MAPK8: variants seen among roughly 807,000 people sequenced by gnomAD.
The protein encoded by MAPK8 is JUN N-terminal kinase.
Under a neutral mutation model 52.9 loss-of-function variants are expected in MAPK8, and 13 were observed. The ratio of observed to expected loss-of-function variants is 0.25; its 90% CI spans 0.16 to 0.39. MAPK8 has a LOEUF of 0.39. Among genes scored for constraint, MAPK8 ranks in the 10% least tolerant of loss-of-function variants. The pLI is 1.00. For synonymous variants in MAPK8, 191 were observed against 169.8 expected (o/e 1.12, Z -0.97); for missense variants, 300 against 519.2 (o/e 0.58, Z 4.10).
intron 5 of MAPK8, among the ~76,000 whole-genome samples, chr10:48,414,178 AT>A (rs1034928909): frequency 3.0e-4 from 45 of 152,016 alleles, no homozygotes; most frequent in African/African-American, 9.6e-4. Context: ...AATATGTGAT[AT>A]TTTGTGCTTG....
chr10:48,374,437 A>T (rs2040524491), intron 1 of MAPK8, among the ~76,000 whole-genome samples: 1 of 152,174 alleles, frequency 6.6e-6, no homozygotes, highest in Non-Finnish European at 1.5e-5. Context: ...ACCCTAAAAA[A>T]TCAATGAATT....
At chr10:48,310,867 T>G (rs1313161491) in intron 1 of MAPK8, among the ~76,000 whole-genome samples, 2 of 152,138 alleles carry the variant, frequency 1.3e-5, no homozygotes, top group East Asian at 3.8e-4. Flanking sequence ...ATACAAGAGA[T>G]ACCTGTGTTT....
chr10:48,421,133 C>G (rs1322951202), intron 6 of MAPK8, among the ~76,000 whole-genome samples: 1 of 152,090 alleles, frequency 6.6e-6, no homozygotes, highest in Non-Finnish European at 1.5e-5. Flanking sequence ...GACATTTTTT[C>G]TGGCAAGGAA....
chr10:48,390,734 C>G (rs1047729979), intron 1 of MAPK8, among the ~76,000 whole-genome samples: 1 of 152,100 alleles, frequency 6.6e-6, no homozygotes, highest in East Asian at 1.9e-4. Flanking sequence ...CTAATATAGC[C>G]GCCCCCCTTT....
intron 3 of MAPK8, among the ~76,000 whole-genome samples, chr10:48,409,011 CCCTTATTA>C (rs1325783838): frequency 6.6e-6 from 1 of 152,172 alleles, no homozygotes; most frequent in Non-Finnish European, 1.5e-5. Context: ...CCTAATCTAA[CCCTTATTA>C]CCTTCCAAAG....
intron 1 of MAPK8, among the ~76,000 whole-genome samples, chr10:48,338,285 A>G (rs924156679): frequency 1.3e-5 from 2 of 152,180 alleles, no homozygotes; most frequent in African/African-American, 2.4e-5. Flanking sequence ...TCCTAGATAC[A>G]AGGATGGTTC....
At chr10:48,431,405 C>T in intron 11 of MAPK8, 135 bp downstream of exon 11, 1 of 638,122 alleles carries the variant, frequency 1.6e-6, no homozygotes, top group Non-Finnish European at 2.7e-6. Flanking sequence ...TAAGGAAATA[C>T]AGTTTTGTTT....
chr10:48,366,512 A>T (rs1214800519), intron 1 of MAPK8, among the ~76,000 whole-genome samples: 1 of 152,204 alleles, frequency 6.6e-6, no homozygotes, highest in African/African-American at 2.4e-5. Flanking sequence ...TGTGGTTATA[A>T]GGGTATACTC....
At chr10:48,344,264 G>A (rs1259568004) in intron 1 of MAPK8, among the ~76,000 whole-genome samples, 1 of 152,150 alleles carries the variant, frequency 6.6e-6, no homozygotes, top group Non-Finnish European at 1.5e-5. Flanking sequence ...TAACAGATTT[G>A]CTTTTTCTAT....
intron 1 of MAPK8, among the ~76,000 whole-genome samples, chr10:48,393,081 T>A (rs2041710881): frequency 6.6e-6 from 1 of 152,166 alleles, no homozygotes; most frequent in Non-Finnish European, 1.5e-5. Context: ...CTCATCTTTC[T>A]CCAGTTGCTC....
At chr10:48,335,205 T>C (rs1206191933) in intron 1 of MAPK8, among the ~76,000 whole-genome samples, 1 of 152,206 alleles carries the variant, frequency 6.6e-6, no homozygotes, top group Non-Finnish European at 1.5e-5. Context: ...CACCAGGTTT[T>C]CCTTTTTTTT....
At chr10:48,362,049 G>A (rs1390532399) in intron 1 of MAPK8, among the ~76,000 whole-genome samples, 1 of 152,126 alleles carries the variant, frequency 6.6e-6, no homozygotes, top group Admixed American at 6.5e-5. Flanking sequence ...CTCAGATGTG[G>A]TTTGCCAGTG....
chr10:48,326,411 T>A (rs779352604), intron 1 of MAPK8, among the ~76,000 whole-genome samples: 1 of 152,180 alleles, frequency 6.6e-6, no homozygotes, highest in African/African-American at 2.4e-5. Flanking sequence ...GCACTTACTT[T>A]CTGGCACTGC....
chr10:48,328,894 T>A (rs528294837), intron 1 of MAPK8, among the ~76,000 whole-genome samples: 18 of 152,354 alleles, frequency 1.2e-4, no homozygotes, highest in Admixed American at 6.5e-4. Flanking sequence ...AGTTCAGAAA[T>A]TGAGGATGCG....
intron 2 of MAPK8, among the ~76,000 whole-genome samples, chr10:48,403,095 A>T (rs1043599615): frequency 1.8e-4 from 28 of 152,140 alleles, no homozygotes; most frequent in African/African-American, 6.5e-4. Context: ...CAAACTTAGG[A>T]TGTTGTTTAT....
At chr10:48,346,662 C>T (rs983208294) in intron 1 of MAPK8, among the ~76,000 whole-genome samples, 3 of 152,172 alleles carry the variant, frequency 2.0e-5, no homozygotes, top group African/African-American at 4.8e-5. Flanking sequence ...GAGGCCTAAC[C>T]GTCTCCCTGT....
At chr10:48,391,969 C>G (rs2041648335) in intron 1 of MAPK8, among the ~76,000 whole-genome samples, 1 of 152,200 alleles carries the variant, frequency 6.6e-6, no homozygotes, top group African/African-American at 2.4e-5. Context: ...CCAGGGCACG[C>G]CATCTTCCAG....
chr10:48,353,866 G>A (rs982209084), intron 1 of MAPK8, among the ~76,000 whole-genome samples: 1 of 152,174 alleles, frequency 6.6e-6, no homozygotes, highest in Non-Finnish European at 1.5e-5. Flanking sequence ...CCAGGGATTA[G>A]GGATGGGGTT....
chr10:48,369,026 AGAGGG>A (rs1404198507), intron 1 of MAPK8, among the ~76,000 whole-genome samples: 3 of 152,164 alleles, frequency 2.0e-5, no homozygotes, highest in African/African-American at 7.2e-5. Flanking sequence ...AGCTGTGCTA[AGAGGG>A]CAGGGTCATG....
Sources: allele counts gnomAD v4.1 joint callset (sites outside exome capture counted in the v4.1 genomes callset), GRCh38; gene constraint gnomAD v4.1.1; transcripts MANE v1.5; gene names NCBI Gene and HGNC (gene_info 2026-07-23, HGNC 2026-07-21).